Variants in CNTN3 observed in about 807,000 individuals in gnomAD.
CNTN3 encodes contactin 3, also known as contactin-3.
CNTN3 carries 60 observed loss-of-function variants against 119.1 expected under a neutral mutation model. The ratio of observed to expected loss-of-function variants is 0.50; its 90% CI spans 0.41 to 0.62. CNTN3 has a LOEUF of 0.62. Among genes scored for constraint, CNTN3 ranks in the 20% least tolerant of loss-of-function variants. The pLI is 0.00. For synonymous variants in CNTN3, 450 were observed against 438.7 expected, an observed-to-expected ratio of 1.03 and a Z score of -0.32; for missense variants, 1,101 against 1,242.4, an observed-to-expected ratio of 0.89 and a Z score of 1.71.
intron 11 of CNTN3, among the ~76,000 whole-genome samples, chr3:74,339,930 G>C (rs1035530041): frequency 6.6e-6 from 1 of 151,868 alleles, no homozygotes; most frequent in Non-Finnish European, 1.5e-5. Flanking sequence ...TAGATAGATA[G>C]ATAGATAGAT....
intron 1 of CNTN3, among the ~76,000 whole-genome samples, chr3:74,567,370 G>A (rs147964359): frequency 8.5e-6 from 1 of 117,478 alleles, no homozygotes; most frequent in East Asian, 2.5e-4. Flanking sequence ...ATGTTGTCCA[G>A]GCTTGTTTTG....
chr3:74,445,377 C>T (rs1239159801), intron 4 of CNTN3, among the ~76,000 whole-genome samples: 1 of 152,038 alleles, frequency 6.6e-6, no homozygotes, highest in Non-Finnish European at 1.5e-5. Context: ...ATTCTCCTGC[C>T]TCAGCCTCTC....
At chr3:74,536,586 C>T (rs925669644) in intron 1 of CNTN3, among the ~76,000 whole-genome samples, 1 of 151,986 alleles carries the variant, frequency 6.6e-6, no homozygotes, top group South Asian at 2.1e-4. Flanking sequence ...AGAACTCTGC[C>T]TGGACGAATA....
At chr3:74,519,868 C>A (rs1025087645) in intron 2 of CNTN3, among the ~76,000 whole-genome samples, 1 of 151,612 alleles carries the variant, frequency 6.6e-6, no homozygotes, top group African/African-American at 2.4e-5. Context: ...CTACAAAAAA[C>A]CTCTTTCTTT....
At chr3:74,304,652 G>C (rs1702524482) in intron 13 of CNTN3, among the ~76,000 whole-genome samples, 1 of 152,148 alleles carries the variant, frequency 6.6e-6, no homozygotes, top group South Asian at 2.1e-4. Context: ...TTTGGTGGTG[G>C]ACTTTTGACT....
At chr3:74,559,001 A>AATAATAATAAT (rs1405094001) in intron 1 of CNTN3, among the ~76,000 whole-genome samples, 1 of 150,302 alleles carries the variant, frequency 6.7e-6, no homozygotes, top group Non-Finnish European at 1.5e-5. Flanking sequence ...TAATAATAAT[A>AATAATAATAAT]ATAATAGTAA....
Position 74,453,352 on chromosome 3 carries a change from C to G in CNTN3, c.359-28412G>C, listed in dbSNP as rs539222499. Reference sequence around the variant, plus strand: ...ATGGTAGTTTGTATTTCTGTGGGATCGGTGGTGATATCCCCTTTATCATTT... The same window carrying G: ...ATGGTAGTTTGTATTTCTGTGGGATGGGTGGTGATATCCCCTTTATCATTT... On this transcript the variant is annotated intron_variant, in intron 4 of 22. Transcript: ENST00000263665. Among the ~76,000 whole-genome samples, 10 of 152,114 alleles carry G rather than the reference C, an allele frequency of 6.6e-5. No homozygotes were observed. In the South Asian group the frequency reaches 1.9e-3, roughly 28 times the overall value.
At chr3:74,607,486 C>A (rs1705012458) in intron 1 of CNTN3, among the ~76,000 whole-genome samples, 1 of 152,168 alleles carries the variant, frequency 6.6e-6, no homozygotes, top group Non-Finnish European at 1.5e-5. Context: ...AGTTGGGGCC[C>A]TGCCCTAGTG....
chr3:74,285,588 A>G, intron 19 of CNTN3, 97 bp from the exon 20 acceptor site: 1 of 1,262,286 alleles, frequency 7.9e-7, no homozygotes, highest in Non-Finnish European at 1.1e-6. Context: ...TTATTTCCTG[A>G]TTTGTTCAAC....
chr3:74,411,232 T>C (rs1701433902), intron 5 of CNTN3, among the ~76,000 whole-genome samples: 1 of 152,034 alleles, frequency 6.6e-6, no homozygotes, highest in South Asian at 2.1e-4. Flanking sequence ...AAAGTCACTC[T>C]ATTTGAAGAG....
intron 4 of CNTN3, among the ~76,000 whole-genome samples, chr3:74,447,021 G>C (rs1702061916): frequency 1.3e-5 from 2 of 152,158 alleles, no homozygotes; most frequent in African/African-American, 4.8e-5. Flanking sequence ...CTATTTCACA[G>C]ATGTGTATTC....
chr3:74,325,166 G>T (rs573304361), intron 13 of CNTN3, among the ~76,000 whole-genome samples: 11 of 151,762 alleles, frequency 7.2e-5, no homozygotes, highest in Admixed American at 1.3e-4. Flanking sequence ...GAAGCAGTTT[G>T]CATTTTGTTT....
intron 1 of CNTN3, among the ~76,000 whole-genome samples, chr3:74,541,770 T>C (rs1213874081): frequency 1.3e-5 from 2 of 152,166 alleles, no homozygotes; most frequent in African/African-American, 4.8e-5. Context: ...TTCTTTTGTA[T>C]GAAAAAATGT....
At chr3:74,476,958 A>C (rs1194995247) in intron 4 of CNTN3, among the ~76,000 whole-genome samples, 2 of 152,070 alleles carry the variant, frequency 1.3e-5, no homozygotes, top group Non-Finnish European at 2.9e-5. Flanking sequence ...AAGATTCAAA[A>C]TACACTCAAA....
At chr3:74,476,346 T>A (rs1702654729) in intron 4 of CNTN3, among the ~76,000 whole-genome samples, 1 of 152,178 alleles carries the variant, frequency 6.6e-6, no homozygotes, top group Non-Finnish European at 1.5e-5. Flanking sequence ...TGACTATTTA[T>A]GGTGGGCTAC....
intron 5 of CNTN3, among the ~76,000 whole-genome samples, chr3:74,380,410 C>T (rs1704584653): frequency 6.6e-6 from 1 of 152,224 alleles, no homozygotes; most frequent in African/African-American, 2.4e-5. Context: ...GAATAGCAAG[C>T]ATTTTCTATG....
chr3:74,551,029 T>A (rs1402333273), intron 1 of CNTN3, among the ~76,000 whole-genome samples: 1 of 152,208 alleles, frequency 6.6e-6, no homozygotes, highest in Non-Finnish European at 1.5e-5. Flanking sequence ...GAAACCAACA[T>A]GCCACTTGGC....
At chr3:74,581,041 GA>G (rs1399239913) in intron 1 of CNTN3, among the ~76,000 whole-genome samples, 1 of 152,116 alleles carries the variant, frequency 6.6e-6, no homozygotes, top group African/African-American at 2.4e-5. Flanking sequence ...TCTTAATGGG[GA>G]AAATCAAGCA....
At chr3:74,342,490 A>G (rs1703572319) in intron 11 of CNTN3, among the ~76,000 whole-genome samples, 2 of 152,180 alleles carry the variant, frequency 1.3e-5, no homozygotes, top group Non-Finnish European at 1.5e-5. Context: ...TACCAGGCTA[A>G]TAACAAGCAG....
Sources: allele counts gnomAD v4.1 joint callset (sites outside exome capture counted in the v4.1 genomes callset), GRCh38; gene constraint gnomAD v4.1.1; transcripts MANE v1.5; gene names NCBI Gene and HGNC (gene_info 2026-07-23, HGNC 2026-07-21).